Variants in ARHGEF10L observed in about 807,000 individuals in gnomAD.
The protein encoded by ARHGEF10L is rho guanine nucleotide exchange factor 10-like protein.
Under a neutral mutation model 141.2 loss-of-function variants are expected in ARHGEF10L, and 69 were observed. The ratio of observed to expected loss-of-function variants is 0.49; its 90% CI spans 0.40 to 0.60. The LOEUF is 0.60. Ranked by LOEUF, ARHGEF10L falls within the 20% of genes least tolerant of loss-of-function variation. The probability of loss-of-function intolerance (pLI) is 0.00; values close to 1 mark genes in which losing one functional copy is unlikely to be tolerated. For synonymous variants in ARHGEF10L, 711 were observed against 718.5 expected, an observed-to-expected ratio of 0.99 and a Z score of 0.17; for missense variants, 1,482 against 1,734.3, an observed-to-expected ratio of 0.85 and a Z score of 2.58.
At chr1:17,620,435 C>T (rs943398451) in intron 10 of ARHGEF10L, among the ~76,000 whole-genome samples, 3 of 152,322 alleles carry the variant, frequency 2.0e-5, no homozygotes, top group Non-Finnish European at 4.4e-5. Flanking sequence ...CTACGAGGCA[C>T]GGGACAGCCC....
intron 25 of ARHGEF10L, among the ~76,000 whole-genome samples, chr1:17,659,619 G>T (rs1050297673): frequency 6.6e-6 from 1 of 152,200 alleles, no homozygotes; most frequent in Non-Finnish European, 1.5e-5. Context: ...CACCATAGTG[G>T]CCCTGGTGGT....
At chr1:17,569,396 C>T (rs994184895) in intron 1 of ARHGEF10L, among the ~76,000 whole-genome samples, 8 of 152,304 alleles carry the variant, frequency 5.3e-5, no homozygotes, top group Middle Eastern at 6.8e-3. Context: ...TGAGGGCCCC[C>T]GGGGGTCCTG....
In ARHGEF10L at chr1:17,609,901, C is replaced by G. The variant is rs1039240850; in HGVS notation, c.609+1924C>G. ...GGGCTTTGGTTATGAAGCCCCCACT[C>G]CCCCCAGTAGCCTCTCCATATGGCA... On this transcript the variant is annotated intron_variant, in intron 7 of 28. Transcript: ENST00000361221. 3.3e-5 allele frequency among the ~76,000 whole-genome samples: 5 copies of G among 152,030 alleles called. No individual in the cohort carries two copies. In the East Asian group the frequency reaches 9.7e-4, roughly 30 times the overall value.
At chr1:17,696,224 A>AG (rs1558062321) in intron 28 of ARHGEF10L, among the ~76,000 whole-genome samples, 1 of 151,200 alleles carries the variant, frequency 6.6e-6, no homozygotes, top group African/African-American at 2.4e-5. Context: ...AAAAAAAAAA[A>AG]AAAAGTTGCT....
At chr1:17,548,643 A>ATTTTT (rs2076997457) in intron 1 of ARHGEF10L, among the ~76,000 whole-genome samples, 1 of 136,792 alleles carries the variant, frequency 7.3e-6, no homozygotes, top group African/African-American at 2.9e-5. Flanking sequence ...GCTCAAAATA[A>ATTTTT]TTCTTTTTTT....
rs779956585 is a variant in ARHGEF10L, at chr1:17,624,372, C to G, written c.1201-15C>G. 6.2e-7 allele frequency: 1 copy of G among 1,606,556 alleles called. No individual in the cohort carries two copies. The highest frequency in any genetic ancestry group is 8.5e-7 in the Non-Finnish European group (1 of 1,173,332). On this transcript the variant is annotated splice_polypyrimidine_tract_variant and intron_variant, in intron 12 of 28. Transcript: ENST00000361221. ...ATTGAGGCGGTCTCCCTGGCCCACA[C>G]CTGCCTTGTTTCAGTTTTCCAAGTC... is the stretch of plus-strand genomic sequence containing the variant.
At chr1:17,549,197 A>G (rs1570400630) in intron 1 of ARHGEF10L, among the ~76,000 whole-genome samples, 2 of 150,176 alleles carry the variant, frequency 1.3e-5, no homozygotes, top group Non-Finnish European at 1.5e-5. Flanking sequence ...TAAGTTTTGT[A>G]TTTTTAGTAG....
chr1:17,626,570 T>C (rs2060397376), intron 14 of ARHGEF10L, among the ~76,000 whole-genome samples: 1 of 152,236 alleles, frequency 6.6e-6, no homozygotes, highest in Admixed American at 6.5e-5. Flanking sequence ...CTCTCAGTGC[T>C]GCTGGCCTGT....
At chr1:17,691,436 G>T (rs780001845) in intron 27 of ARHGEF10L, among the ~76,000 whole-genome samples, 1 of 152,078 alleles carries the variant, frequency 6.6e-6, no homozygotes. Flanking sequence ...CTGGGAGGAT[G>T]CAGGGGCAGC....
intron 21 of ARHGEF10L, among the ~76,000 whole-genome samples, chr1:17,643,462 C>T (rs1204877978): frequency 6.6e-6 from 1 of 152,220 alleles, no homozygotes; most frequent in Non-Finnish European, 1.5e-5. Context: ...AGACTCCATC[C>T]TGAGACCCAG....
In ARHGEF10L at chr1:17,687,599, G is replaced by A. The variant is rs1267118639; in HGVS notation, c.3036G>A (p.Glu1012=). 1 of 1,613,046 alleles carries A rather than the reference G, an allele frequency of 6.2e-7. No homozygotes were observed. Among genetic ancestry groups the A allele is most frequent in the Non-Finnish European group, 8.5e-7 (1 of 1,179,950 alleles). Reference sequence around the variant, plus strand: ...AAAGCTTCGAGGCGCACCAGGACGAGGCAGTGAGCGTGACACACATGGTGA... The same window carrying A: ...AAAGCTTCGAGGCGCACCAGGACGAAGCAGTGAGCGTGACACACATGGTGA... ...PQQSFEAHQD[E]AVSVTHMVKA... Residue 1012 remains glutamate, a synonymous_variant, in exon 27 of 29, where the codon GAG becomes GAA. Coordinates refer to ENST00000361221, the MANE Select transcript of ARHGEF10L (RefSeq NM_018125.4).
chr1:17,619,276 G>A lies in ARHGEF10L; in HGVS notation c.836-63G>A. The A allele has an allele frequency of 6.6e-7, 1 of 1,510,126 alleles. No homozygotes were observed. The highest frequency in any genetic ancestry group is 9.1e-7 in the Non-Finnish European group (1 of 1,097,618). The allele number at this position is 1,510,126 out of a possible 1,614,324, so 93.5% of individuals were successfully genotyped here. ...TGGTCTAGGGGGGCTCTCAGCTCCT[G>A]AGGCCTGAGCAGGGTGTGCTGTCCC... is the stretch of plus-strand genomic sequence containing the variant. On this transcript the variant is annotated intron_variant, in intron 9 of 28. Coordinates refer to ENST00000361221, the MANE Select transcript of ARHGEF10L (RefSeq NM_018125.4). The surrounding 1 kb of genome is among the most constrained non-coding windows in gnomAD (Gnocchi z 5.0).
At chr1:17,637,698 G>A (rs968528913) in intron 18 of ARHGEF10L, among the ~76,000 whole-genome samples, 190 bp from the exon 19 acceptor site, 2 of 152,126 alleles carry the variant, frequency 1.3e-5, no homozygotes, top group African/African-American at 2.4e-5. Context: ...TACAGACGGG[G>A]TTTCACCGTA....
At chr1:17,679,881 CG>C (rs1558017177) in intron 26 of ARHGEF10L, among the ~76,000 whole-genome samples, 1 of 152,078 alleles carries the variant, frequency 6.6e-6, no homozygotes, top group Admixed American at 6.6e-5. Flanking sequence ...TGCAGGTGAT[CG>C]TGGGTGATCT....
the ARHGEF10L span, among the ~76,000 whole-genome samples, chr1:17,524,359 G>A: frequency 7.5e-5 from 7 of 92,982 alleles, no homozygotes; most frequent in Non-Finnish European, 1.5e-4. Context: ...ATAAAACCCC[G>A]TCTCTACACA....
chr1:17,632,608 C>T lies in ARHGEF10L; in HGVS notation c.1730+142C>T, dbSNP rs371798028. The T allele has an allele frequency of 2.0e-5, 23 of 1,136,402 alleles. No homozygotes were observed. The African/African-American group carries it at 2.4e-4, about 12-fold the overall frequency. The allele number at this position is 1,136,402 out of a possible 1,614,324, so 70.4% of individuals were successfully genotyped here. On this transcript the variant is annotated intron_variant, in intron 16 of 28. Coordinates refer to ENST00000361221, the MANE Select transcript of ARHGEF10L (RefSeq NM_018125.4). Reference sequence around the variant, plus strand: ...CTTCCAATATTCCTCTCCCATCCCTCTTGCCCTGCTCTGCCACTGGTCCCC... The same window carrying T: ...CTTCCAATATTCCTCTCCCATCCCTTTTGCCCTGCTCTGCCACTGGTCCCC...
chr1:17,693,192 A>G (rs183195517), intron 27 of ARHGEF10L, among the ~76,000 whole-genome samples: 1 of 152,370 alleles, frequency 6.6e-6, no homozygotes, highest in East Asian at 1.9e-4. Flanking sequence ...GCCACTAGCT[A>G]TATTTCCAGT....
the ARHGEF10L span, among the ~76,000 whole-genome samples, chr1:17,527,070 G>T: frequency 1.3e-5 from 2 of 152,172 alleles, no homozygotes; most frequent in African/African-American, 4.8e-5. Context: ...TTCTTGAAAA[G>T]TTGTTCTGGA....
chr1:17,628,171 C>G (rs1490638007), intron 15 of ARHGEF10L, among the ~76,000 whole-genome samples: 1 of 152,030 alleles, frequency 6.6e-6, no homozygotes, highest in Non-Finnish European at 1.5e-5. Context: ...AACCTTGTCT[C>G]TACTAAAAAT....
Sources: allele counts gnomAD v4.1 joint callset (sites outside exome capture counted in the v4.1 genomes callset), GRCh38; gene constraint gnomAD v4.1.1; non-coding constraint Gnocchi (gnomAD v3.1); transcripts MANE v1.5; gene names NCBI Gene and HGNC (gene_info 2026-07-23, HGNC 2026-07-21).